Variants in KLF8 observed in about 807,000 individuals in gnomAD.
KLF8 encodes the protein Krueppel-like factor 8.
KLF8 carries 10 observed loss-of-function variants against 18.2 expected under a neutral mutation model. The ratio of observed to expected loss-of-function variants is 0.55; its 90% CI spans 0.34 to 0.93. KLF8 has a LOEUF of 0.93. Among genes scored for constraint, KLF8 ranks in the 40% least tolerant of loss-of-function variants. The pLI is 0.02. For missense variants in KLF8, 264 were observed against 277.9 expected (o/e 0.95, Z 0.36); for synonymous variants, 109 against 97.3 (o/e 1.12, Z -0.71).
At chrX:55,990,170 A>G in the KLF8 span, among the ~76,000 whole-genome samples, 1 of 111,441 alleles carries the variant, frequency 9.0e-6, no homozygotes, top group African/African-American at 3.3e-5. Context: ...GGATTCATTG[A>G]TTTTTTGAAG....
At chrX:56,270,399 A>AGG (rs1363923486) in intron 5 of KLF8, 78 bp downstream of exon 5, 8 of 964,713 alleles carry the variant, frequency 8.3e-6, no homozygotes, top group African/African-American at 4.0e-5. Context: ...AGAGAGAGAG[A>AGG]GGGGCAGAGA....
At chrX:56,061,258 G>A in the KLF8 span, among the ~76,000 whole-genome samples, 2 of 111,498 alleles carry the variant, frequency 1.8e-5, no homozygotes, top group South Asian at 3.7e-4. Flanking sequence ...TTTGATGTTA[G>A]GGTGTCAATT....
the KLF8 span, among the ~76,000 whole-genome samples, chrX:56,061,998 T>C: frequency 9.9e-6 from 1 of 100,584 alleles, no homozygotes; most frequent in Admixed American, 1.0e-4. Context: ...TTTTTTTTTT[T>C]TTTTTTTCTT....
At chrX:56,093,905 ATGTGTGTGTGTGTGTGTGTGTG>A in the KLF8 span, among the ~76,000 whole-genome samples, 1 of 89,003 alleles carries the variant, frequency 1.1e-5, no homozygotes, top group Admixed American at 1.3e-4. Context: ...TATATATTAT[ATGTGTGTGTGTGTGTGTGTGTG>A]TGTGTGTGTG....
the KLF8 span, among the ~76,000 whole-genome samples, chrX:56,187,491 G>C: frequency 3.6e-5 from 4 of 111,546 alleles, no homozygotes; most frequent in Non-Finnish European, 7.5e-5. Flanking sequence ...CCAATCAATA[G>C]AAAAAGAGGG....
the KLF8 span, among the ~76,000 whole-genome samples, chrX:56,073,011 G>T: frequency 1.9e-5 from 2 of 103,697 alleles, no homozygotes; most frequent in African/African-American, 7.2e-5. Flanking sequence ...TTTTGAGACG[G>T]AGTCTCACTC....
rs1294614777 is a variant in KLF8, at chrX:56,242,841, C to G, written c.8-7390C>G. Reference sequence around the variant, plus strand: ...TTCCTTTTCTCTCATTCCAGGTAAGCTAAGCAGGAAAACTACAGGGGTTTT... The same window carrying G: ...TTCCTTTTCTCTCATTCCAGGTAAGGTAAGCAGGAAAACTACAGGGGTTTT... On this transcript the variant is annotated intron_variant, in intron 1 of 5. Transcript: ENST00000468660. 4 of 300,430 alleles carry G rather than the reference C, an allele frequency of 1.3e-5. No homozygotes were observed. The Admixed American group carries it at 1.7e-4, about 13-fold the overall frequency. The allele number at this position is 300,430 out of a possible 1,213,427, so 24.8% of individuals were successfully genotyped here. A position where few individuals can be genotyped will look rare whatever the true frequency, so the allele number is the denominator to read the frequency against.
Position 56,289,110 on chromosome X carries a change from A to C in KLF8, c.*4616A>C, listed in dbSNP as rs1426959175. 2.7e-5 allele frequency among the ~76,000 whole-genome samples: 3 copies of C among 112,144 alleles called. No homozygotes were observed. Among genetic ancestry groups the C allele is most frequent in the African/African-American group, 9.7e-5 (3 of 30,857 alleles). The stretch of plus-strand genomic sequence containing the variant: ...CATTTATTTATTTATACAATACTTT[A>C]TTTATATCAGCATGGACTCATGGGT... On this transcript the variant is annotated 3_prime_UTR_variant, in exon 6 of 6. Transcript: ENST00000468660.
the KLF8 span, among the ~76,000 whole-genome samples, chrX:56,154,049 A>G: frequency 1.8e-5 from 2 of 111,423 alleles, no homozygotes; most frequent in African/African-American, 3.3e-5. Flanking sequence ...CAAGCCACCA[A>G]TGACTTTCTT....
chrX:55,935,026 G>A, the KLF8 span, among the ~76,000 whole-genome samples: 5 of 111,922 alleles, frequency 4.5e-5, no homozygotes, highest in Non-Finnish European at 9.4e-5. Flanking sequence ...AGAATGATTA[G>A]TTTCATACTA....
chrX:56,016,967 T>A, the KLF8 span, among the ~76,000 whole-genome samples: 24,219 of 110,964 alleles, frequency 0.22, 5,491 homozygotes, highest in African/African-American at 0.69. Context: ...CACATTTTTA[T>A]ATGTCCAGTA....
chrX:55,975,142 A>G, the KLF8 span, among the ~76,000 whole-genome samples: 1 of 111,723 alleles, frequency 9.0e-6, no homozygotes, highest in Admixed American at 9.5e-5. Flanking sequence ...GAGGCCACAC[A>G]GGGTGGTCTG....
chrX:55,940,400 GACA>G, the KLF8 span, among the ~76,000 whole-genome samples: 1 of 111,562 alleles, frequency 9.0e-6, no homozygotes, highest in Non-Finnish European at 1.9e-5. Flanking sequence ...AGCTATCTAT[GACA>G]AACCCACAGC....
chrX:56,002,437 G>A, the KLF8 span, among the ~76,000 whole-genome samples: 1 of 110,071 alleles, frequency 9.1e-6, no homozygotes, highest in South Asian at 3.9e-4. Context: ...GTGTGTGTGT[G>A]TGTGTGTGTG....
the KLF8 span, among the ~76,000 whole-genome samples, chrX:56,193,775 G>A: frequency 9.0e-6 from 1 of 111,444 alleles, no homozygotes; most frequent in Non-Finnish European, 1.9e-5. Context: ...TGAAGCAGTT[G>A]AACTCATGGG....
rs766801348 is a variant in KLF8 at position 56,243,755 on chromosome X, C to T, written c.8-6476C>T. On this transcript the variant is annotated intron_variant, in intron 1 of 5. Transcript: ENST00000468660. ...TTCACCATGTTGGCCAGGATGGTCT[C>T]GATCTCCTGACCTCATGATCCACCT... is the stretch of plus-strand genomic sequence containing the variant. 4.6e-5 allele frequency among the ~76,000 whole-genome samples: 5 copies of T among 109,170 alleles called. 1 individual carries two copies. The East Asian group carries it at 8.7e-4, about 19-fold the overall frequency. 94.8% of individuals were successfully genotyped at this position (109,170 alleles called of 115,157 possible).
At chrX:56,161,136 C>T in the KLF8 span, among the ~76,000 whole-genome samples, 1 of 111,382 alleles carries the variant, frequency 9.0e-6, no homozygotes, top group African/African-American at 3.3e-5. Context: ...TTTTATGTCT[C>T]CTTCACTTAT....
chrX:56,188,435 G>T, the KLF8 span, among the ~76,000 whole-genome samples: 1 of 111,542 alleles, frequency 9.0e-6, no homozygotes, highest in African/African-American at 3.3e-5. Context: ...CATGAAAATG[G>T]CCATATTGCC....
the KLF8 span, among the ~76,000 whole-genome samples, chrX:56,201,456 G>A: frequency 1.8e-5 from 2 of 111,400 alleles, no homozygotes; most frequent in Admixed American, 9.6e-5. Context: ...GGTTGGGGCG[G>A]GGAATGGAGA....
Sources: gnomAD v4.1 joint callset for allele counts (sites outside exome capture counted in the v4.1 genomes callset) on GRCh38, gnomAD v4.1.1 for gene constraint, MANE v1.5 for transcripts, NCBI Gene and HGNC (gene_info 2026-07-23, HGNC 2026-07-21) for gene names.